ANK3: variants seen among roughly 807,000 people sequenced by gnomAD.
ANK3 encodes ankyrin 3.
Under a neutral mutation model 370.9 loss-of-function variants are expected in ANK3, and 57 were observed. That is an observed-to-expected ratio of 0.15 (90% CI 0.12 to 0.19). ANK3 has a LOEUF of 0.19. ANK3 is among the 10% of genes least tolerant of loss of function. The pLI, the probability that ANK3 is intolerant of heterozygous loss-of-function variation, is 1.00. For synonymous variants in ANK3, 1,929 were observed against 1,946.3 expected, an observed-to-expected ratio of 0.99 and a Z score of 0.23; for missense variants, 4,439 against 5,302.1, an observed-to-expected ratio of 0.84 and a Z score of 5.06.
chr10:60,343,071 A>G lies in ANK3; in HGVS notation c.114+46354T>C, dbSNP rs72824108. 5.2e-3 allele frequency among the ~76,000 whole-genome samples: 786 copies of G among 152,284 alleles called. 4 individuals carry two copies. The highest frequency in any genetic ancestry group is 0.011 in the South Asian group (54 of 4,828). On this transcript the variant is annotated intron_variant, in intron 1 of 43. Coordinates refer to ENST00000280772, the MANE Select transcript of ANK3 (RefSeq NM_020987.5). ...ACCAAACACAGGCAAGCAATCAAGG[A>G]CAGGAGGACACATACTCGTGGGTGA...
chr10:60,301,983 G>A (rs1461056626), intron 1 of ANK3, among the ~76,000 whole-genome samples: 5 of 152,196 alleles, frequency 3.3e-5, no homozygotes, highest in African/African-American at 4.8e-5. Flanking sequence ...AGAAAGATCA[G>A]TGTGTAAGTC....
At chr10:60,175,406 G>A (rs899273861) in intron 18 of ANK3, among the ~76,000 whole-genome samples, 1 of 152,108 alleles carries the variant, frequency 6.6e-6, no homozygotes, top group Non-Finnish European at 1.5e-5. Flanking sequence ...TTTCCAATCA[G>A]CAGTAACAAA....
intron 28 of ANK3, among the ~76,000 whole-genome samples, chr10:60,089,167 G>A (rs551514185): frequency 6.6e-5 from 10 of 152,210 alleles, no homozygotes; most frequent in African/African-American, 2.2e-4. Flanking sequence ...GCTCTCATGC[G>A]TGGAACTCAA....
At chr10:60,613,615 A>G (rs926501427) in intron 2 of ANK3, among the ~76,000 whole-genome samples, 1 of 152,226 alleles carries the variant, frequency 6.6e-6, no homozygotes, top group Non-Finnish European at 1.5e-5. Flanking sequence ...TTGACCAGCA[A>G]CATTACAACA....
intron 13 of ANK3, among the ~76,000 whole-genome samples, chr10:60,199,413 T>C (rs1371526566): frequency 6.6e-6 from 1 of 152,152 alleles, no homozygotes; most frequent in Non-Finnish European, 1.5e-5. Context: ...AGGGAGATGC[T>C]GCAAGGGAGA....
intron 2 of ANK3, among the ~76,000 whole-genome samples, chr10:60,503,004 T>C (rs1306671163): frequency 2.0e-5 from 3 of 152,112 alleles, no homozygotes; most frequent in Non-Finnish European, 4.4e-5. Flanking sequence ...CAATTACTTA[T>C]GCATACTTAA....
At chr10:60,396,198 G>T (rs1013445203) in intron 2 of ANK3, among the ~76,000 whole-genome samples, 5 of 152,162 alleles carry the variant, frequency 3.3e-5, no homozygotes, top group African/African-American at 1.2e-4. Flanking sequence ...AGTAACAAGT[G>T]CTATGAAGAA....
intron 2 of ANK3, among the ~76,000 whole-genome samples, chr10:60,462,721 G>A (rs541608549): frequency 2.6e-5 from 4 of 151,004 alleles, no homozygotes; most frequent in Non-Finnish European, 5.9e-5. Flanking sequence ...ATTTTTAAAT[G>A]TATCAGTACC....
At chr10:60,168,074 G>A (rs2095671690) in intron 21 of ANK3, among the ~76,000 whole-genome samples, 1 of 152,166 alleles carries the variant, frequency 6.6e-6, no homozygotes, top group African/African-American at 2.4e-5. Context: ...TTCCCAGGCT[G>A]GAGTGCAGTG....
At chr10:60,351,859 T>C (rs1361486) in intron 1 of ANK3, among the ~76,000 whole-genome samples, 75,843 of 151,676 alleles carry the variant, frequency 0.5, 19,528 homozygotes, top group East Asian at 0.69. Flanking sequence ...TTCTTTCTAA[T>C]AAGGATTATA....
At chr10:60,354,956 T>C (rs1448779634) in intron 1 of ANK3, among the ~76,000 whole-genome samples, 2 of 152,184 alleles carry the variant, frequency 1.3e-5, no homozygotes, top group Non-Finnish European at 2.9e-5. Flanking sequence ...AGTCTGATCA[T>C]CTCCATAGTT....
At chr10:60,431,757 C>T (rs2064030583) in intron 2 of ANK3, among the ~76,000 whole-genome samples, 1 of 152,108 alleles carries the variant, frequency 6.6e-6, no homozygotes, top group Admixed American at 6.5e-5. Flanking sequence ...TGTAATAAAC[C>T]TGCTTGTTCT....
At chr10:60,323,791 G>C (rs893900494) in intron 1 of ANK3, among the ~76,000 whole-genome samples, 5 of 152,152 alleles carry the variant, frequency 3.3e-5, no homozygotes, top group Non-Finnish European at 7.3e-5. Flanking sequence ...AAGCAGGAAA[G>C]AGGTGTCCTA....
At chr10:60,153,551 A>G (rs914734973) in intron 23 of ANK3, among the ~76,000 whole-genome samples, 1 of 152,172 alleles carries the variant, frequency 6.6e-6, no homozygotes, top group Non-Finnish European at 1.5e-5. Context: ...AAAAGACACT[A>G]TTTTCAAGGG....
chr10:60,432,416 G>A (rs1475319451), intron 2 of ANK3, among the ~76,000 whole-genome samples: 3 of 152,192 alleles, frequency 2.0e-5, no homozygotes, highest in Admixed American at 2.0e-4. Context: ...TTAGGCCACA[G>A]TATCTGATGA....
At chr10:60,042,153 C>T (rs1313942958) in intron 43 of ANK3, among the ~76,000 whole-genome samples, 1 of 152,190 alleles carries the variant, frequency 6.6e-6, no homozygotes, top group African/African-American at 2.4e-5. Context: ...ACAACAGTGC[C>T]ATTAACCTCC....
Position 60,073,900 on chromosome 10 carries a change from C to T in ANK3, c.6981G>A (p.Glu2327=), listed in dbSNP as rs373621603. 36 of 1,613,992 alleles carry T rather than the reference C, an allele frequency of 2.2e-5. No individual in the cohort carries two copies. In the African/African-American group the frequency reaches 4.0e-4, roughly 18 times the overall value. ...TTTCGATGTGGACTTCTATTATACG[C>T]TCCAGTTTGGGTTTCATTTGGTTGT... ...EKDNQMKPKL[E]RIIEVHIEKG... Residue 2327 remains glutamate, a synonymous_variant, in exon 37 of 44, where the codon GAG becomes GAA. Transcript: ENST00000280772.
At chr10:60,249,170 C>T (rs1592450267) in intron 7 of ANK3, among the ~76,000 whole-genome samples, 2 of 152,114 alleles carry the variant, frequency 1.3e-5, no homozygotes, top group Admixed American at 1.3e-4. Flanking sequence ...ATATATATAG[C>T]AGTTGAATGG....
At chr10:60,343,570 A>G (rs562397141) in intron 1 of ANK3, among the ~76,000 whole-genome samples, 7 of 152,162 alleles carry the variant, frequency 4.6e-5, no homozygotes, top group Non-Finnish European at 8.8e-5. Context: ...CATAAAGAAA[A>G]TATTTAAGAG....
Sources: gnomAD v4.1 joint callset for allele counts (sites outside exome capture counted in the v4.1 genomes callset) on GRCh38, gnomAD v4.1.1 for gene constraint, MANE v1.5 for transcripts, NCBI Gene and HGNC (gene_info 2026-07-23, HGNC 2026-07-21) for gene names.